Variants in ORAI3 observed in about 807,000 individuals in gnomAD.
The protein encoded by ORAI3 is protein orai-3.
Under a neutral mutation model 17.2 loss-of-function variants are expected in ORAI3, and 15 were observed. That is an observed-to-expected ratio of 0.87 (90% confidence interval 0.58 to 1.34). ORAI3 has a LOEUF of 1.34. ORAI3 is among the 40% of genes most tolerant of loss of function. The probability of loss-of-function intolerance (pLI) is 0.00; values close to 1 mark genes in which losing one functional copy is unlikely to be tolerated. For missense variants in ORAI3, 405 were observed against 396.7 expected, an observed-to-expected ratio of 1.02 and a Z score of -0.18; for synonymous variants, 178 against 172.4, an observed-to-expected ratio of 1.03 and a Z score of -0.25.
chr16:30,949,682 G>T, intron 1 of ORAI3, 165 bp downstream of exon 1: 1 of 638,872 alleles, frequency 1.6e-6, no homozygotes, highest in Non-Finnish European at 2.7e-6. Context: ...CCTTCTTACG[G>T]ATGTGTGTGT....
rs923610120 is a variant in ORAI3 at position 30,953,306 on chromosome 16, C to T, written c.350C>T (p.Thr117Met). 13 of 1,614,178 alleles carry T rather than the reference C, an allele frequency of 8.1e-6. No individual in the cohort carries two copies. Among genetic ancestry groups the T allele is most frequent in the Middle Eastern group, 1.6e-4 (1 of 6,062 alleles). ...CACCTCTTTGCACTCATGGTCTCCACGTGTCTGCTGCCCCACATTGAAGCT... is the reference window on the plus strand; with the variant it reads ...CACCTCTTTGCACTCATGGTCTCCATGTGTCTGCTGCCCCACATTGAAGCT... ...AVHLFALMVS[T>M]CLLPHIEAVS... is the part of the protein sequence containing the mutation. The change falls in exon 2 of 2, where the codon ACG (threonine) becomes ATG (methionine). Residue 117 changes from threonine to methionine, a missense_variant. Coordinates refer to ENST00000318663, the MANE Select transcript of ORAI3 (RefSeq NM_152288.3).
chr16:30,952,831 A>G (rs2055930531), intron 1 of ORAI3, among the ~76,000 whole-genome samples: 1 of 151,838 alleles, frequency 6.6e-6, no homozygotes, highest in Admixed American at 6.6e-5. Context: ...ATGCCCGGCT[A>G]ATTTTTGTAC....
In ORAI3 at chr16:30,953,530, C is replaced by T. The variant is rs575443409; in HGVS notation, c.574C>T (p.Arg192Trp). 5.8e-5 allele frequency: 93 copies of T among 1,614,242 alleles called. No homozygotes were observed. The highest frequency in any genetic ancestry group is 2.9e-4 in the African/African-American group (22 of 75,068). Residue 192 changes from arginine (R) to tryptophan (W), a missense_variant, in exon 2 of 2, where the codon CGG (arginine) becomes TGG (tryptophan). Arg to Trp is a moderately radical substitution (Grantham distance 101). Coordinates refer to ENST00000318663, the MANE Select transcript of ORAI3 (RefSeq NM_152288.3). Reference sequence around the variant, plus strand: ...ACCGACCCCCATGGTGCCCACATCCCGGGTGCCCGGGACTCTGGCACCAGT... The same window carrying T: ...ACCGACCCCCATGGTGCCCACATCCTGGGTGCCCGGGACTCTGGCACCAGT... ...DTPTPMVPTS[R>W]VPGTLAPVAT...
Position 30,949,385 on chromosome 16 carries a change from C to T in ORAI3, c.96C>T (p.His32=). ...CGGCCACGTACCGGGAGTTCGTGCA[C>T]CGCGGCTACCTGGACCTCATGGGGG... The part of the protein sequence containing the change: ...AGSATYREFV[H]RGYLDLMGAS... The change falls in exon 1 of 2, where the codon CAC becomes CAT. Residue 32 remains histidine, a synonymous_variant. Coordinates refer to ENST00000318663, the MANE Select transcript of ORAI3 (RefSeq NM_152288.3). The T allele has an allele frequency of 6.3e-7, 1 of 1,583,610 alleles. No homozygotes were observed. The highest frequency in any genetic ancestry group is 8.6e-7 in the Non-Finnish European group (1 of 1,166,958).
At position 30,949,296 on chromosome 16, in the gene ORAI3, G is replaced by A; in HGVS notation, c.7G>A (p.Gly3Ser). The A allele has an allele frequency of 7.1e-7, 1 of 1,410,758 alleles. No homozygotes were observed. 87.4% of individuals were successfully genotyped at this position (1,410,758 alleles called of 1,614,324 possible). ...GTGCCGCCCCCCCCCCAGGATGAAG[G>A]GCGGCGAGGGGGACGCGGGCGAGCA... MK[G>S]GEGDAGEQAP... Residue 3 changes from glycine to serine, a missense_variant, in exon 1 of 2, where the codon GGC becomes AGC. Physicochemically the swap from Gly to Ser is moderately conservative, Grantham distance 56 (BLOSUM62 0). Coordinates refer to ENST00000318663, the MANE Select transcript of ORAI3 (RefSeq NM_152288.3).
At position 30,953,855 on chromosome 16, in the gene ORAI3, A is replaced by C. The variant is rs1269878812; in HGVS notation, c.*11A>C. 6.3e-7 allele frequency: 1 copy of C among 1,598,234 alleles called. No homozygotes were observed. Among genetic ancestry groups the C allele is most frequent in the South Asian group, 1.1e-5 (1 of 89,400 alleles). On this transcript the variant is annotated 3_prime_UTR_variant, in exon 2 of 2. Coordinates refer to ENST00000318663, the MANE Select transcript of ORAI3 (RefSeq NM_152288.3). ...CTGCAGGCTGTGTGAGACTGGTGTT[A>C]GCCACCGCTCACTGCAAGCACTGCC... is the stretch of plus-strand genomic sequence containing the variant.
In ORAI3 at chr16:30,953,404, G is replaced by A; in HGVS notation, c.448G>A (p.Ala150Thr). Residue 150 changes from alanine (A) to threonine (T), a missense_variant, in exon 2 of 2, where the codon GCC becomes ACC. Transcript: ENST00000318663. The part of the protein sequence containing the change: ...HQRLHRYVEL[A>T]WGFSTALGTF... ...GAGACTGCACCGCTACGTGGAGCTG[G>A]CCTGGGGCTTCTCCACTGCCCTGGG... The A allele has an allele frequency of 1.9e-6, 3 of 1,614,272 alleles. No homozygotes were observed. The highest frequency in any genetic ancestry group is 2.5e-6 in the Non-Finnish European group (3 of 1,180,048).
rs1212856957 is a variant in ORAI3 at position 30,953,880 on chromosome 16, C to T, written c.*36C>T. ...AGCCACCGCTCACTGCAAGCACTGC[C>T]TCCCTCCGGGGTCTGTAAGAGGCCG... On this transcript the variant is annotated 3_prime_UTR_variant, in exon 2 of 2. Coordinates refer to ENST00000318663, the MANE Select transcript of ORAI3 (RefSeq NM_152288.3). 2.5e-6 allele frequency: 4 copies of T among 1,580,288 alleles called. No individual in the cohort carries two copies. The highest frequency in any genetic ancestry group is 3.4e-6 in the Non-Finnish European group (4 of 1,166,140).
At chr16:30,949,822 TG>T in intron 1 of ORAI3, 1 of 323,592 alleles carries the variant, frequency 3.1e-6, no homozygotes, top group South Asian at 3.8e-5. Flanking sequence ...AGATGGAGCC[TG>T]TACCTGGCAG....
chr16:30,952,102 CTTTCTTTCT>C (rs2055927238), intron 1 of ORAI3, among the ~76,000 whole-genome samples: 1 of 147,978 alleles, frequency 6.8e-6, no homozygotes, highest in African/African-American at 2.5e-5. Flanking sequence ...CTTTCTTTTT[CTTTCTTTCT>C]TTTCTTTCTT....
In ORAI3 at chr16:30,953,893, C is replaced by G; in HGVS notation, c.*49C>G. ...TGCAAGCACTGCCTCCCTCCGGGGT[C>G]TGTAAGAGGCCGCAGGGGCCTACAG... On this transcript the variant is annotated 3_prime_UTR_variant, in exon 2 of 2. Coordinates refer to ENST00000318663, the MANE Select transcript of ORAI3 (RefSeq NM_152288.3). The G allele has an allele frequency of 6.4e-7, 1 of 1,563,542 alleles. No individual in the cohort carries two copies. Among genetic ancestry groups the G allele is most frequent in the Non-Finnish European group, 8.6e-7 (1 of 1,156,760 alleles).
In ORAI3 at chr16:30,953,809, C is replaced by G; in HGVS notation, c.853C>G (p.Leu285Val). The G allele has an allele frequency of 6.2e-7, 1 of 1,612,370 alleles. No individual in the cohort carries two copies. The highest frequency in any genetic ancestry group is 8.5e-7 in the Non-Finnish European group (1 of 1,179,316). Residue 285 changes from leucine (L) to valine (V), a missense_variant, in exon 2 of 2, where the codon CTG becomes GTG. Leu to Val is a conservative substitution (Grantham distance 32). Coordinates refer to ENST00000318663, the MANE Select transcript of ORAI3 (RefSeq NM_152288.3). ...CCGCTACAAGCAGGAACTAGAGGAA[C>G]TGAATCGCCTGCAGGGGGAGCTGCA... is the stretch of plus-strand genomic sequence containing the variant. Reference protein sequence around the residue: ...TDRYKQELEELNRLQGELQAV With the variant: ...TDRYKQELEEVNRLQGELQAV
chr16:30,953,793 G>A lies in ORAI3; in HGVS notation c.837G>A (p.Lys279=). 1 of 1,613,714 alleles carries A rather than the reference G, an allele frequency of 6.2e-7. No individual in the cohort carries two copies. The highest frequency in any genetic ancestry group is 8.5e-7 in the Non-Finnish European group (1 of 1,179,954). Residue 279 remains lysine, a synonymous_variant, in exon 2 of 2, where the codon AAG becomes AAA. Transcript: ENST00000318663. The part of the protein sequence containing the change: ...SLVAHKTDRY[K]QELEELNRLQ... Reference sequence around the variant, plus strand: ...TGGCACACAAGACAGACCGCTACAAGCAGGAACTAGAGGAACTGAATCGCC... The same window carrying A: ...TGGCACACAAGACAGACCGCTACAAACAGGAACTAGAGGAACTGAATCGCC...
At chr16:30,952,281 C>T (rs549407700) in intron 1 of ORAI3, among the ~76,000 whole-genome samples, 1 of 151,982 alleles carries the variant, frequency 6.6e-6, no homozygotes, top group African/African-American at 2.4e-5. Context: ...ATTACAGGCG[C>T]ACACCACCAC....
At chr16:30,951,121 T>A (rs76355092) in intron 1 of ORAI3, among the ~76,000 whole-genome samples, 1 of 152,096 alleles carries the variant, frequency 6.6e-6, no homozygotes, top group Admixed American at 6.5e-5. Flanking sequence ...CCTGTTTTCC[T>A]ACCTCCACCC....
rs1352176524 is a variant in ORAI3, at chr16:30,954,033, C to T, written c.*189C>T. On this transcript the variant is annotated 3_prime_UTR_variant, in exon 2 of 2. Coordinates refer to ENST00000318663, the MANE Select transcript of ORAI3 (RefSeq NM_152288.3). ...GGGCCTTGGGGCAGCTCCCACATTC[C>T]CAGGGATTTTCCCCATCAGTCTGTC... 1.4e-6 allele frequency: 1 copy of T among 728,702 alleles called. No individual in the cohort carries two copies. Among genetic ancestry groups the T allele is most frequent in the South Asian group, 1.5e-5 (1 of 68,146 alleles). 45.1% of individuals were successfully genotyped at this position (728,702 alleles called of 1,614,324 possible). A position where few individuals can be genotyped will look rare whatever the true frequency, so the allele number is the denominator to read the frequency against.
At position 30,953,383 on chromosome 16, in the gene ORAI3, C is replaced by A; in HGVS notation, c.427C>A (p.Leu143Met). 6.2e-7 allele frequency: 1 copy of A among 1,614,250 alleles called. No homozygotes were observed. Among genetic ancestry groups the A allele is most frequent in the Non-Finnish European group, 8.5e-7 (1 of 1,180,036 alleles). The change falls in exon 2 of 2, where the codon CTG (leucine) becomes ATG (methionine). Residue 143 changes from leucine to methionine, a missense_variant. Coordinates refer to ENST00000318663, the MANE Select transcript of ORAI3 (RefSeq NM_152288.3). ...NSVHQSPHQR[L>M]HRYVELAWGF... is the part of the protein sequence containing the mutation. ...TGTCCACCAGTCGCCACACCAGAGA[C>A]TGCACCGCTACGTGGAGCTGGCCTG...
Position 30,949,097 on chromosome 16 carries a change from T to C in ORAI3, c.-193T>C, listed in dbSNP as rs2055906212. The C allele has an allele frequency of 2.1e-6, 1 of 475,732 alleles. No individual in the cohort carries two copies. The highest frequency in any genetic ancestry group is 3.6e-6 in the Non-Finnish European group (1 of 274,584). 29.5% of individuals were successfully genotyped at this position (475,732 alleles called of 1,614,324 possible). ...CCTGTTTTGGCCTCCGCTGTCCCGC[T>C]CCGGCTCCTGGGGCTCCCCGCAGAC... is the stretch of plus-strand genomic sequence containing the variant. On this transcript the variant is annotated 5_prime_UTR_variant, in exon 1 of 2. Transcript: ENST00000318663.
At chr16:30,953,078 A>G (rs11642250) in intron 1 of ORAI3, 107 bp from the exon 2 acceptor site, 97 of 1,041,098 alleles carry the variant, frequency 9.3e-5, no homozygotes, top group Non-Finnish European at 1.3e-4. Flanking sequence ...TGCCAGGCAC[A>G]GTTCTAGGTC....
Sources: allele counts gnomAD v4.1 joint callset (sites outside exome capture counted in the v4.1 genomes callset), GRCh38; gene constraint gnomAD v4.1.1; transcripts MANE v1.5; gene names NCBI Gene and HGNC (gene_info 2026-07-23, HGNC 2026-07-21).